MAP2K5: variants seen among roughly 807,000 people sequenced by gnomAD.
The protein encoded by MAP2K5 is mitogen-activated protein kinase kinase 5, also known as dual specificity mitogen-activated protein kinase kinase 5.
MAP2K5 carries 49 observed loss-of-function variants against 83.1 expected under a neutral mutation model. The observed-to-expected ratio is 0.59, with a 90% CI of 0.47 to 0.75. The LOEUF is 0.75. Ranked by LOEUF, MAP2K5 falls within the 30% of genes least tolerant of loss-of-function variation. MAP2K5 has a pLI of 0.00. For missense variants in MAP2K5, 457 were observed against 557.5 expected, an observed-to-expected ratio of 0.82 and a Z score of 1.82; for synonymous variants, 202 against 191.8, an observed-to-expected ratio of 1.05 and a Z score of -0.44.
At chr15:67,567,184 G>C (rs527658992) in intron 3 of MAP2K5, among the ~76,000 whole-genome samples, 2 of 152,296 alleles carry the variant, frequency 1.3e-5, no homozygotes, top group South Asian at 4.1e-4. Context: ...GCAGCCAAGT[G>C]TTATTACAGC....
intron 8 of MAP2K5, among the ~76,000 whole-genome samples, chr15:67,623,769 G>C (rs2086244262): frequency 6.6e-6 from 1 of 151,584 alleles, no homozygotes; most frequent in Non-Finnish European, 1.5e-5. Context: ...GGCTAATTTT[G>C]TATTTTTAAT....
At chr15:67,687,142 G>C (rs2087978007) in intron 13 of MAP2K5, among the ~76,000 whole-genome samples, 1 of 152,130 alleles carries the variant, frequency 6.6e-6, no homozygotes, top group South Asian at 2.1e-4. Context: ...AAAAAGTAAA[G>C]TGAAATGAGA....
At chr15:67,579,832 CAT>C (rs1194596222) in intron 3 of MAP2K5, among the ~76,000 whole-genome samples, 1 of 152,138 alleles carries the variant, frequency 6.6e-6, no homozygotes, top group African/African-American at 2.4e-5. Context: ...ATTTCCTAAA[CAT>C]ATCGTATTTA....
At chr15:67,686,202 G>A (rs2087948861) in intron 13 of MAP2K5, among the ~76,000 whole-genome samples, 1 of 152,138 alleles carries the variant, frequency 6.6e-6, no homozygotes. Context: ...AAGCACAAAT[G>A]TCAAACTGTA....
At chr15:67,727,997 T>TG (rs770083291) in intron 17 of MAP2K5, 52 bp downstream of exon 17, 9 of 1,478,832 alleles carry the variant, frequency 6.1e-6, no homozygotes, top group African/African-American at 1.4e-5. Flanking sequence ...TTCCTATGTA[T>TG]GAAGGTGCAG....
At chr15:67,609,997 G>A (rs954356294) in intron 8 of MAP2K5, among the ~76,000 whole-genome samples, 3 of 152,106 alleles carry the variant, frequency 2.0e-5, no homozygotes, top group Non-Finnish European at 4.4e-5. Context: ...AAGAAGGTAT[G>A]TTACCCTCTT....
intron 8 of MAP2K5, among the ~76,000 whole-genome samples, chr15:67,601,697 A>G (rs2085662044): frequency 1.3e-5 from 2 of 152,238 alleles, no homozygotes; most frequent in South Asian, 4.1e-4. Flanking sequence ...AACCACATGA[A>G]TACACATAAA....
intron 16 of MAP2K5, among the ~76,000 whole-genome samples, chr15:67,710,728 T>A (rs1415692035): frequency 6.6e-6 from 1 of 152,158 alleles, no homozygotes; most frequent in Non-Finnish European, 1.5e-5. Flanking sequence ...GGTCTTGAAC[T>A]CCTGACCTCA....
At position 67,627,392 on chromosome 15, in the gene MAP2K5, A is replaced by G. The variant is rs536652909; in HGVS notation, c.546-3496A>G. Reference sequence around the variant, plus strand: ...TTTTTGTAATCTTGCTTTTTCTTTAAATGAAATATACTTGAATTTCTGTAT... The same window carrying G: ...TTTTTGTAATCTTGCTTTTTCTTTAGATGAAATATACTTGAATTTCTGTAT... On this transcript the variant is annotated intron_variant, in intron 8 of 21. Transcript: ENST00000178640. Among the ~76,000 whole-genome samples, 5 of 152,348 alleles carry G rather than the reference A, an allele frequency of 3.3e-5. No homozygotes were observed. The South Asian group carries it at 1.0e-3, about 32-fold the overall frequency.
Position 67,614,991 on chromosome 15 carries a change from G to GA in MAP2K5, c.545+14242_545+14243insA, listed in dbSNP as rs1555532191. Among the ~76,000 whole-genome samples, 6 of 150,696 alleles carry GA rather than the reference G, an allele frequency of 4.0e-5. No homozygotes were observed. In the East Asian group the frequency reaches 1.2e-3, roughly 29 times the overall value. On this transcript the variant is annotated intron_variant, in intron 8 of 21. Coordinates refer to ENST00000178640, the MANE Select transcript of MAP2K5 (RefSeq NM_145160.3). ...AGACCTAAACAGTATGAGGGGCTCT[G>GA]TTTTTTTTTCTTTCTTTCTTTCTGA... is the stretch of plus-strand genomic sequence containing the variant.
At chr15:67,703,194 T>A (rs2088465448) in intron 15 of MAP2K5, 143 bp from the exon 16 acceptor site, 2 of 611,480 alleles carry the variant, frequency 3.3e-6, no homozygotes, top group Admixed American at 2.8e-5. Context: ...AATACATATA[T>A]ACACACATGT....
At position 67,720,727 on chromosome 15, in the gene MAP2K5, C is replaced by T. The variant is rs1027710163; in HGVS notation, c.1045-7189C>T. On this transcript the variant is annotated intron_variant, in intron 16 of 21. Coordinates refer to ENST00000178640, the MANE Select transcript of MAP2K5 (RefSeq NM_145160.3). The surrounding 1 kb of genome is among the most constrained non-coding windows in gnomAD (Gnocchi z 5.7). ...ATCAATCACTCAGTGACCATAACTTCCAGTAATTAGTGTATTTTATGGGCC... is the reference window on the plus strand; with the variant it reads ...ATCAATCACTCAGTGACCATAACTTTCAGTAATTAGTGTATTTTATGGGCC... 1.3e-5 allele frequency among the ~76,000 whole-genome samples: 2 copies of T among 152,182 alleles called. No homozygotes were observed. Among genetic ancestry groups the T allele is most frequent in the Admixed American group, 1.3e-4 (2 of 15,272 alleles).
intron 14 of MAP2K5, among the ~76,000 whole-genome samples, chr15:67,692,849 G>A (rs1426098937): frequency 6.6e-6 from 1 of 152,182 alleles, no homozygotes; most frequent in Non-Finnish European, 1.5e-5. Flanking sequence ...AGACAAAAGG[G>A]AGGGCAGAGT....
chr15:67,756,295 C>G (rs939143000), intron 19 of MAP2K5, among the ~76,000 whole-genome samples: 24 of 152,032 alleles, frequency 1.6e-4, no homozygotes, highest in Non-Finnish European at 2.9e-5. Context: ...TGATCAAGAA[C>G]AGGAAGAAAG....
Position 67,580,760 on chromosome 15 carries a change from TC to T in MAP2K5, c.261del (p.Thr88GlnfsTer2). 1 of 1,597,506 alleles carries T rather than the reference TC, an allele frequency of 6.3e-7. No individual in the cohort carries two copies. Among genetic ancestry groups the T allele is most frequent in the Non-Finnish European group, 8.6e-7 (1 of 1,166,066 alleles). On this transcript the variant is annotated frameshift_variant, in exon 4 of 22. Coordinates refer to ENST00000178640, the MANE Select transcript of MAP2K5 (RefSeq NM_145160.3). LOFTEE classifies it high-confidence loss of function. ...EMKAMLSYYY[S>X]TVMEQQVNGQ... ...TTCTATAATCTCTTTGCAGTATTAT[TC>T]CACAGTAATGGAACAGCAAGTAAAT...
At chr15:67,628,142 C>T (rs1041318767) in intron 8 of MAP2K5, 30 of 973,058 alleles carry the variant, frequency 3.1e-5, no homozygotes, top group Admixed American at 2.6e-4. Flanking sequence ...CTCAAAGACC[C>T]GGTGCCCACT....
chr15:67,544,567 A>G (rs1313143608), intron 1 of MAP2K5, among the ~76,000 whole-genome samples: 2 of 152,212 alleles, frequency 1.3e-5, no homozygotes, highest in Non-Finnish European at 2.9e-5. Context: ...TTCTTTCCCT[A>G]CATGTTGCAG....
chr15:67,551,988 G>A (rs1161097981), intron 2 of MAP2K5, among the ~76,000 whole-genome samples: 1 of 150,310 alleles, frequency 6.7e-6, no homozygotes, highest in African/African-American at 2.4e-5. Flanking sequence ...TGTGTGTATT[G>A]AAAGATAGGA....
At chr15:67,550,788 T>C (rs1157048936) in intron 2 of MAP2K5, among the ~76,000 whole-genome samples, 2 of 151,944 alleles carry the variant, frequency 1.3e-5, no homozygotes, top group African/African-American at 4.8e-5. Flanking sequence ...TTTTTTTTTT[T>C]TGCCGCAGAC....
Sources: gnomAD v4.1 joint callset for allele counts (sites outside exome capture counted in the v4.1 genomes callset) on GRCh38, gnomAD v4.1.1 for gene constraint, Gnocchi (gnomAD v3.1) non-coding constraint, MANE v1.5 for transcripts, NCBI Gene and HGNC (gene_info 2026-07-23, HGNC 2026-07-21) for gene names.